The following KCNMA1 variants were observed in gnomAD, a reference collection of about 807,000 sequenced individuals.
KCNMA1 encodes the protein Calcium-activated potassium channel subunit alpha-1.
A neutral mutation model predicts 140.0 loss-of-function variants in KCNMA1; 29 were observed. The ratio of observed to expected loss-of-function variants is 0.21; its 90% confidence interval spans 0.15 to 0.28. KCNMA1 has a LOEUF of 0.28. KCNMA1 is among the 10% of genes least tolerant of loss of function. The pLI is 1.00. For missense variants in KCNMA1, 880 were observed against 1,602.2 expected (o/e 0.55, Z 7.70); for synonymous variants, 612 against 611.9 (o/e 1.00, Z 0.00).
intron 1 of KCNMA1, among the ~76,000 whole-genome samples, chr10:77,617,645 C>T (rs1567898654): frequency 6.6e-6 from 1 of 152,278 alleles, no homozygotes; most frequent in South Asian, 2.1e-4. Context: ...ATTAAGGATG[C>T]CTCTTGGGCA....
chr10:77,507,030 C>T (rs2046395310), intron 1 of KCNMA1, among the ~76,000 whole-genome samples: 1 of 152,182 alleles, frequency 6.6e-6, no homozygotes, highest in Non-Finnish European at 1.5e-5. Flanking sequence ...GCAGGCCATG[C>T]ATCCCAGACC....
chr10:77,636,314 G>C, intron 1 of KCNMA1: 7 of 1,511,012 alleles, frequency 4.6e-6, no homozygotes, highest in Non-Finnish European at 5.3e-6. Flanking sequence ...TACAGACCAG[G>C]CAGTGAGCCT....
chr10:77,080,819 A>G (rs1333021767), intron 12 of KCNMA1, among the ~76,000 whole-genome samples: 1 of 152,172 alleles, frequency 6.6e-6, no homozygotes, highest in Non-Finnish European at 1.5e-5. Flanking sequence ...ACAACTTGAG[A>G]CAACAATGAC....
At chr10:77,637,023 G>T in intron 1 of KCNMA1, 1 of 1,415,654 alleles carries the variant, frequency 7.1e-7, no homozygotes, top group African/African-American at 1.5e-5. Flanking sequence ...TAAACAAGAG[G>T]ACAGGATTGA....
intron 9 of KCNMA1, among the ~76,000 whole-genome samples, chr10:77,098,816 C>T (rs1328972118): frequency 7.2e-5 from 11 of 152,016 alleles, no homozygotes; most frequent in Admixed American, 7.2e-4. Context: ...GTAAGCAATT[C>T]CACAGTTGCT....
At chr10:77,466,874 G>A (rs1159179240) in intron 1 of KCNMA1, among the ~76,000 whole-genome samples, 1 of 149,236 alleles carries the variant, frequency 6.7e-6, no homozygotes, top group Non-Finnish European at 1.5e-5. Context: ...AAGCCCTAGA[G>A]GCAGTGAAGT....
chr10:77,179,329 C>T (rs1248512723), intron 5 of KCNMA1, among the ~76,000 whole-genome samples: 1 of 152,060 alleles, frequency 6.6e-6, no homozygotes, highest in Non-Finnish European at 1.5e-5. Context: ...GTTCTTAAGC[C>T]CCAGTCTCTC....
At chr10:76,895,346 TG>T in intron 25 of KCNMA1, among the ~76,000 whole-genome samples, 1 of 152,202 alleles carries the variant, frequency 6.6e-6, no homozygotes, top group African/African-American at 2.4e-5. Context: ...CAGCTCGTCC[TG>T]CTACACAGTC....
intron 23 of KCNMA1, among the ~76,000 whole-genome samples, chr10:76,928,547 T>C (rs1404510514): frequency 3.3e-5 from 5 of 152,152 alleles, no homozygotes; most frequent in African/African-American, 4.8e-5. Flanking sequence ...TATGAATTCA[T>C]TAAACTACTT....
intron 3 of KCNMA1, among the ~76,000 whole-genome samples, chr10:77,247,931 T>C (rs1317046476): frequency 6.6e-6 from 1 of 152,126 alleles, no homozygotes. Flanking sequence ...AGTAATCACT[T>C]GCAGCTACAC....
chr10:77,043,670 G>A (rs1246366081), intron 14 of KCNMA1, among the ~76,000 whole-genome samples: 1 of 152,158 alleles, frequency 6.6e-6, no homozygotes, highest in African/African-American at 2.4e-5. Flanking sequence ...TAAAAAAGAA[G>A]AAAACTCTGA....
chr10:77,145,483 T>C (rs1048136007), intron 5 of KCNMA1, among the ~76,000 whole-genome samples: 1 of 152,206 alleles, frequency 6.6e-6, no homozygotes, highest in Admixed American at 6.5e-5. Flanking sequence ...GTGTGTCCCA[T>C]GGTGCCACCT....
downstream of KCNMA1, among the ~76,000 whole-genome samples, chr10:76,881,668 A>G (rs1447972910): frequency 2.0e-5 from 3 of 152,198 alleles, no homozygotes; most frequent in East Asian, 5.8e-4. Flanking sequence ...TATCAGTACT[A>G]AAGGATGATG....
chr10:77,142,093 C>A (rs1285637567), intron 5 of KCNMA1, among the ~76,000 whole-genome samples: 2 of 152,070 alleles, frequency 1.3e-5, no homozygotes, highest in Admixed American at 6.6e-5. Flanking sequence ...GTAGGCCGGG[C>A]GCAGTGGCTC....
intron 23 of KCNMA1, among the ~76,000 whole-genome samples, chr10:76,924,846 G>A (rs891873602): frequency 6.6e-6 from 1 of 152,134 alleles, no homozygotes; most frequent in Non-Finnish European, 1.5e-5. Context: ...GGGCAGTGAA[G>A]AGCCCAAGAA....
intron 2 of KCNMA1, among the ~76,000 whole-genome samples, chr10:77,393,445 TA>T (rs1422476829): frequency 3.3e-5 from 5 of 152,246 alleles, no homozygotes; most frequent in African/African-American, 1.2e-4. Flanking sequence ...GGCACTGTTC[TA>T]AATATTTTAC....
intron 18 of KCNMA1, among the ~76,000 whole-genome samples, chr10:77,001,935 CT>C (rs1416194831): frequency 6.6e-6 from 1 of 152,144 alleles, no homozygotes; most frequent in Non-Finnish European, 1.5e-5. Context: ...CACTTTTCCC[CT>C]GATATGATTA....
intron 1 of KCNMA1, among the ~76,000 whole-genome samples, chr10:77,615,900 A>G (rs1321692103): frequency 6.6e-6 from 1 of 152,160 alleles, no homozygotes; most frequent in African/African-American, 2.4e-5. Context: ...ATAAAGGCCA[A>G]CTTCATCATA....
chr10:76,880,578 C>T (rs2034241300), downstream of KCNMA1, among the ~76,000 whole-genome samples: 1 of 152,222 alleles, frequency 6.6e-6, no homozygotes, highest in Admixed American at 6.5e-5. Flanking sequence ...CGAACAGATT[C>T]TCCCAACATG....
Sources: gnomAD v4.1 joint callset for allele counts (sites outside exome capture counted in the v4.1 genomes callset) on GRCh38, gnomAD v4.1.1 for gene constraint, MANE v1.5 for transcripts, NCBI Gene and HGNC (gene_info 2026-07-23, HGNC 2026-07-21) for gene names.